The following JARID2 variants were observed in gnomAD, a reference collection of about 807,000 sequenced individuals.
JARID2 encodes the protein jumonji and AT-rich interaction domain containing 2.
Under a neutral mutation model 125.6 loss-of-function variants are expected in JARID2, and 21 were observed. The ratio of observed to expected loss-of-function variants is 0.17; its 90% CI spans 0.12 to 0.24. JARID2 has a LOEUF of 0.24. Among genes scored for constraint, JARID2 ranks in the 10% least tolerant of loss-of-function variants. JARID2 has a pLI of 1.00. For missense variants in JARID2, 1,303 were observed against 1,639.6 expected (o/e 0.79, Z 3.55); for synonymous variants, 736 against 661.6 (o/e 1.11, Z -1.73).
intron 1 of JARID2, among the ~76,000 whole-genome samples, chr6:15,311,509 C>T (rs564735247): frequency 7.2e-5 from 11 of 152,236 alleles, no homozygotes; most frequent in African/African-American, 1.2e-4. Context: ...ACCTGGGAGG[C>T]GGAGTTTGCG....
intron 1 of JARID2, among the ~76,000 whole-genome samples, chr6:15,263,591 A>AT (rs763727930): frequency 0.27 from 35,489 of 131,602 alleles, 5,110 homozygotes; most frequent in South Asian, 0.44. Context: ...GAGTCAGACA[A>AT]TTTTTTTTTT....
intron 1 of JARID2, among the ~76,000 whole-genome samples, chr6:15,370,281 A>G (rs1764115953): frequency 6.7e-6 from 1 of 148,904 alleles, no homozygotes; most frequent in South Asian, 2.1e-4. Context: ...TATTGGGTGT[A>G]TGTATTTTGA....
intron 1 of JARID2, chr6:15,368,786 A>T (rs930179100): frequency 2.6e-5 from 12 of 463,272 alleles, no homozygotes; most frequent in Non-Finnish European, 5.2e-5. Flanking sequence ...CATGGGATGG[A>T]TGTTTGAAGC....
intron 3 of JARID2, among the ~76,000 whole-genome samples, chr6:15,427,403 T>A (rs1455321226): frequency 6.6e-6 from 1 of 152,152 alleles, no homozygotes; most frequent in Non-Finnish European, 1.5e-5. Context: ...CAAAAAAGGC[T>A]GGAACTTCAT....
At chr6:15,306,328 C>CTT (rs398000594) in intron 1 of JARID2, among the ~76,000 whole-genome samples, 6,894 of 98,968 alleles carry the variant, frequency 0.07, 282 homozygotes, top group East Asian at 0.19. Context: ...AGTCATATTT[C>CTT]TTTTTTTTTT....
In JARID2 at chr6:15,315,545, A is replaced by G. The variant is rs146570641; in HGVS notation, c.46-58572A>G. On this transcript the variant is annotated intron_variant, in intron 1 of 17. Coordinates refer to ENST00000341776, the MANE Select transcript of JARID2 (RefSeq NM_004973.4). ...CCATTTTAACACAGAAAACTTACAT[A>G]TTTAGAAGTAGTCACGTATCTAGAG... Among the ~76,000 whole-genome samples, 4 of 152,302 alleles carry G rather than the reference A, an allele frequency of 2.6e-5. No homozygotes were observed. In the East Asian group the frequency reaches 5.8e-4, roughly 22 times the overall value.
At chr6:15,496,007 C>T in intron 6 of JARID2, 125 bp from the exon 7 acceptor site, 1 of 758,672 alleles carries the variant, frequency 1.3e-6, no homozygotes, top group South Asian at 1.7e-5. Context: ...CTTCTTATCA[C>T]ACTACAGGCT....
At chr6:15,474,712 A>G (rs556884698) in intron 5 of JARID2, among the ~76,000 whole-genome samples, 1 of 152,174 alleles carries the variant, frequency 6.6e-6, no homozygotes, top group Non-Finnish European at 1.5e-5. Context: ...AAGGAAAATG[A>G]CATTTCCAAG....
chr6:15,301,529 G>A (rs978074478), intron 1 of JARID2, among the ~76,000 whole-genome samples: 1 of 152,154 alleles, frequency 6.6e-6, no homozygotes, highest in African/African-American at 2.4e-5. Flanking sequence ...GATGATTGCA[G>A]TCCATTTTCC....
chr6:15,345,873 G>A (rs2127474644), intron 1 of JARID2, among the ~76,000 whole-genome samples: 1 of 152,300 alleles, frequency 6.6e-6, no homozygotes, highest in South Asian at 2.1e-4. Flanking sequence ...GAAGCCTTGG[G>A]AAGGGAACTG....
chr6:15,438,354 C>T (rs1461689719), intron 3 of JARID2, among the ~76,000 whole-genome samples: 1 of 152,114 alleles, frequency 6.6e-6, no homozygotes, highest in Non-Finnish European at 1.5e-5. Context: ...TGCCTGTCAC[C>T]CACATCTTTA....
intron 1 of JARID2, among the ~76,000 whole-genome samples, chr6:15,283,306 A>C (rs1005549546): frequency 1.4e-5 from 2 of 147,282 alleles, no homozygotes; most frequent in African/African-American, 5.1e-5. Context: ...TATGTCGCAA[A>C]TATTGTCTCC....
chr6:15,401,326 A>G (rs1012803977), intron 2 of JARID2, among the ~76,000 whole-genome samples: 1 of 152,214 alleles, frequency 6.6e-6, no homozygotes, highest in African/African-American at 2.4e-5. Context: ...AGCTCTGTTG[A>G]CCATTTTGGC....
At chr6:15,269,224 G>C (rs7771939) in intron 1 of JARID2, among the ~76,000 whole-genome samples, 3 of 152,190 alleles carry the variant, frequency 2.0e-5, no homozygotes, top group South Asian at 2.1e-4. Context: ...CCTGTTCCCT[G>C]TGCTCCACCC....
intron 1 of JARID2, among the ~76,000 whole-genome samples, chr6:15,312,172 A>G (rs147165604): frequency 5.3e-5 from 8 of 152,236 alleles, no homozygotes; most frequent in Non-Finnish European, 2.9e-5. Flanking sequence ...TCCCTTCCTC[A>G]GCCTCCCAAT....
At chr6:15,500,001 C>T (rs74857385) in intron 7 of JARID2, among the ~76,000 whole-genome samples, 2 of 152,178 alleles carry the variant, frequency 1.3e-5, no homozygotes, top group African/African-American at 4.8e-5. Context: ...CAATATATCC[C>T]CACACTCTAA....
At chr6:15,372,484 C>G (rs1764207226) in intron 1 of JARID2, among the ~76,000 whole-genome samples, 1 of 151,864 alleles carries the variant, frequency 6.6e-6, no homozygotes, top group East Asian at 1.9e-4. Context: ...CTCAGCCTCC[C>G]CAGTAGCTGG....
intron 3 of JARID2, among the ~76,000 whole-genome samples, chr6:15,417,253 C>CTG (rs1766273252): frequency 6.6e-6 from 1 of 152,062 alleles, no homozygotes; most frequent in South Asian, 2.1e-4. Flanking sequence ...TGGGGCCAGG[C>CTG]TGTGTGACTT....
At chr6:15,248,396 C>A (rs1275474924) in intron 1 of JARID2, 1 of 117,972 alleles carries the variant, frequency 8.5e-6, no homozygotes, top group Non-Finnish European at 1.8e-5. Context: ...GGTGGCGCGG[C>A]CTGCGGGGCG....
Sources: allele counts gnomAD v4.1 joint callset (sites outside exome capture counted in the v4.1 genomes callset), GRCh38; gene constraint gnomAD v4.1.1; transcripts MANE v1.5; gene names NCBI Gene and HGNC (gene_info 2026-07-23, HGNC 2026-07-21).